The following CELF2 variants were observed in gnomAD, a reference collection of about 807,000 sequenced individuals.
The protein encoded by CELF2 is CUGBP Elav-like family member 2, also known as CUG triplet repeat RNA-binding protein 2.
In CELF2, 8 loss-of-function variants were observed where a neutral mutation model predicts 62.6. The observed-to-expected ratio is 0.13, with a 90% CI of 0.07 to 0.23. CELF2 has a LOEUF of 0.23. Among genes scored for constraint, CELF2 ranks in the 10% least tolerant of loss-of-function variants. The pLI is 1.00. For synonymous variants in CELF2, 258 were observed against 250.0 expected (o/e 1.03, Z -0.30); for missense variants, 333 against 671.0 (o/e 0.50, Z 5.56).
At chr10:10,537,674 C>T in the CELF2 span, among the ~76,000 whole-genome samples, 1 of 152,146 alleles carries the variant, frequency 6.6e-6, no homozygotes, top group Non-Finnish European at 1.5e-5. Flanking sequence ...CACTGGCCCA[C>T]ACCCTCACGC....
At chr10:10,835,942 G>A (rs1056975938) in intron 1 of CELF2, among the ~76,000 whole-genome samples, 84 of 152,154 alleles carry the variant, frequency 5.5e-4, no homozygotes, top group Admixed American at 4.8e-3. Context: ...TGGTAGTGCC[G>A]TTTATGAAAA....
upstream of CELF2, chr10:11,005,243 ACAGAGAGAGAGG>A (rs543565969): frequency 0.026 from 30,453 of 1,177,326 alleles, 4,421 homozygotes; most frequent in African/African-American, 0.43. The surrounding 1 kb of genome is among the most constrained non-coding windows in gnomAD (Gnocchi z 4.3). Context: ...GAGTGGGAAG[ACAGAGAGAGAGG>A]GAGAGAGAGA....
intron 1 of CELF2, among the ~76,000 whole-genome samples, chr10:11,054,260 A>G (rs2064646212): frequency 6.6e-6 from 1 of 152,178 alleles, no homozygotes; most frequent in African/African-American, 2.4e-5. Context: ...TTATTCCATT[A>G]TCTTTCCTTC....
chr10:11,068,374 A>T (rs765121088), intron 1 of CELF2, among the ~76,000 whole-genome samples: 1 of 152,226 alleles, frequency 6.6e-6, no homozygotes, highest in Non-Finnish European at 1.5e-5. Flanking sequence ...GATGGCAATG[A>T]TGCCAATATC....
intron 1 of CELF2, among the ~76,000 whole-genome samples, chr10:10,815,758 G>A (rs561910518): frequency 1.3e-5 from 2 of 152,222 alleles, no homozygotes; most frequent in Admixed American, 6.5e-5. Context: ...TCACCATTCA[G>A]TAAATGAGCA....
chr10:10,966,718 G>A (rs1211603530), intron 2 of CELF2: 1 of 152,184 alleles, frequency 6.6e-6, no homozygotes, highest in Non-Finnish European at 1.5e-5. Context: ...AGAGGACCAG[G>A]ATAAGGAAAC....
At chr10:10,870,871 C>T (rs1470681201) in intron 1 of CELF2, among the ~76,000 whole-genome samples, 1 of 152,124 alleles carries the variant, frequency 6.6e-6, no homozygotes, top group Admixed American at 6.5e-5. Flanking sequence ...GCCTCTTGTT[C>T]GTTAATATAT....
intron 1 of CELF2, among the ~76,000 whole-genome samples, chr10:10,851,056 T>G (rs2059354487): frequency 6.6e-6 from 1 of 152,208 alleles, no homozygotes; most frequent in Admixed American, 6.5e-5. Flanking sequence ...TCCATCTGCC[T>G]TGGCCTCCCA....
chr10:11,148,049 T>G (rs955069536), intron 1 of CELF2, among the ~76,000 whole-genome samples: 1 of 152,234 alleles, frequency 6.6e-6, no homozygotes, highest in African/African-American at 2.4e-5. Context: ...CGCTGCTTGT[T>G]TATTTGCATA....
rs1332347754 is a variant in CELF2, at chr10:11,214,144, C to T, written c.272-3281C>T. Reference sequence around the variant, plus strand: ...TACAAAAATGTAAAAAGTAGTCAGGCATGGTAGCACACACCTGTACTCCCA... The same window carrying T: ...TACAAAAATGTAAAAAGTAGTCAGGTATGGTAGCACACACCTGTACTCCCA... On this transcript the variant is annotated intron_variant, in intron 2 of 12. Coordinates refer to ENST00000633077, the MANE Select transcript of CELF2 (RefSeq NM_001326342.2). This position sits in a 1 kb window ranked among gnomAD's most constrained non-coding sequence, Gnocchi z 4.2. Among the ~76,000 whole-genome samples the T allele has an allele frequency of 6.6e-6, 1 of 152,040 alleles. No individual in the cohort carries two copies. Among genetic ancestry groups the T allele is most frequent in the Non-Finnish European group, 1.5e-5 (1 of 68,016 alleles).
chr10:11,164,190 A>C (rs752971442), intron 1 of CELF2, among the ~76,000 whole-genome samples: 5 of 152,206 alleles, frequency 3.3e-5, no homozygotes, highest in Non-Finnish European at 5.9e-5. Flanking sequence ...CAGTGCTGCA[A>C]ATGAGCTGCC....
rs561363052 is a variant in CELF2, at chr10:11,249,581, A to T, written c.403+380A>T. ...GGAAAGGAATTGCCCATGAAGAATTAGGCTTTCTGTGGGTGGGGGAGGGGC... is the reference window on the plus strand; with the variant it reads ...GGAAAGGAATTGCCCATGAAGAATTTGGCTTTCTGTGGGTGGGGGAGGGGC... On this transcript the variant is annotated intron_variant, in intron 4 of 12. Transcript: ENST00000633077. Among the ~76,000 whole-genome samples, 6 of 151,406 alleles carry T rather than the reference A, an allele frequency of 4.0e-5. No individual in the cohort carries two copies. The East Asian group carries it at 1.2e-3, about 29-fold the overall frequency.
chr10:11,176,140 G>A (rs184430264), intron 2 of CELF2, among the ~76,000 whole-genome samples: 4 of 152,216 alleles, frequency 2.6e-5, no homozygotes, highest in South Asian at 2.1e-4. Context: ...CACGTCTGAC[G>A]TTTTTTCCTT....
At chr10:10,681,524 C>T in the CELF2 span, among the ~76,000 whole-genome samples, 7 of 152,166 alleles carry the variant, frequency 4.6e-5, no homozygotes, top group African/African-American at 7.2e-5. Flanking sequence ...TAAACAAGTG[C>T]GTATGGCTGT....
the CELF2 span, among the ~76,000 whole-genome samples, chr10:10,727,775 CAAAA>C: frequency 2.4e-4 from 33 of 139,186 alleles, no homozygotes; most frequent in East Asian, 6.3e-3. Flanking sequence ...GACTCTGTCT[CAAAA>C]AAAAAAAAAG....
intron 1 of CELF2, among the ~76,000 whole-genome samples, chr10:11,101,182 G>A (rs985243349): frequency 5.9e-5 from 9 of 152,176 alleles, no homozygotes; most frequent in Non-Finnish European, 8.8e-5. Context: ...GGTGGTGTTA[G>A]AGAGCTAGTT....
chr10:11,335,556 G>C lies in CELF2; in HGVS notation c.*6503G>C, dbSNP rs938787232. The C allele has an allele frequency of 3.3e-5, 5 of 152,262 alleles. No homozygotes were observed. The highest frequency in any genetic ancestry group is 7.3e-5 in the Non-Finnish European group (5 of 68,088). 9.4% of individuals were successfully genotyped at this position (152,262 alleles called of 1,614,324 possible). A position where few individuals can be genotyped will look rare whatever the true frequency, so the allele number is the denominator to read the frequency against. Reference sequence around the variant, plus strand: ...CCCCGGGGCTGGCCGCCTCAGTGATGGTGATGCCACCAGCTCCAGCCTGCA... The same window carrying C: ...CCCCGGGGCTGGCCGCCTCAGTGATCGTGATGCCACCAGCTCCAGCCTGCA... On this transcript the variant is annotated 3_prime_UTR_variant, in exon 13 of 13. Transcript: ENST00000633077. This position sits in a 1 kb window ranked among gnomAD's most constrained non-coding sequence, Gnocchi z 5.0.
At chr10:10,563,068 A>G in the CELF2 span, among the ~76,000 whole-genome samples, 39 of 152,258 alleles carry the variant, frequency 2.6e-4, no homozygotes, top group African/African-American at 8.9e-4. Context: ...ATGTTCAGGA[A>G]GTGGCTTCCA....
intron 1 of CELF2, among the ~76,000 whole-genome samples, chr10:11,070,246 A>G (rs1269981278): frequency 2.6e-5 from 4 of 152,166 alleles, no homozygotes; most frequent in African/African-American, 9.7e-5. Context: ...CAAAGGACTC[A>G]GGGTAGGAGA....
Sources: allele counts gnomAD v4.1 joint callset (sites outside exome capture counted in the v4.1 genomes callset), GRCh38; gene constraint gnomAD v4.1.1; non-coding constraint Gnocchi (gnomAD v3.1); transcripts MANE v1.5; gene names NCBI Gene and HGNC (gene_info 2026-07-23, HGNC 2026-07-21).